Variants in ZZEF1 observed in about 807,000 individuals in gnomAD.
ZZEF1 encodes zinc finger ZZ-type and EF-hand domain containing 1.
A neutral mutation model predicts 342.8 loss-of-function variants in ZZEF1; 157 were observed. The ratio of observed to expected loss-of-function variants is 0.46; its 90% confidence interval spans 0.40 to 0.52. ZZEF1 has a LOEUF of 0.52. Ranked by LOEUF, ZZEF1 falls within the 20% of genes least tolerant of loss-of-function variation. ZZEF1 has a pLI of 0.00. For missense variants in ZZEF1, 3,480 were observed against 3,725.6 expected, an observed-to-expected ratio of 0.93 and a Z score of 1.72; for synonymous variants, 1,505 against 1,429.1, an observed-to-expected ratio of 1.05 and a Z score of -1.20.
Position 4,008,662 on chromosome 17 carries a change from T to C in ZZEF1, c.8805+221A>G. 8.0e-7 allele frequency: 1 copy of C among 1,245,654 alleles called. No homozygotes were observed. Among genetic ancestry groups the C allele is most frequent in the East Asian group, 3.2e-5 (1 of 31,024 alleles). The allele number at this position is 1,245,654 out of a possible 1,614,324, so 77.2% of individuals were successfully genotyped here. A position where few individuals can be genotyped will look rare whatever the true frequency, so the allele number is the denominator to read the frequency against. ...TTGTTTTGGTTTTAAAGACACAAATTCTTCTGACCCCACAGTTTAGAGTGA... is the reference window on the plus strand; with the variant it reads ...TTGTTTTGGTTTTAAAGACACAAATCCTTCTGACCCCACAGTTTAGAGTGA... On this transcript the variant is annotated intron_variant, in intron 54 of 54. Coordinates refer to ENST00000381638, the MANE Select transcript of ZZEF1 (RefSeq NM_015113.4). The surrounding 1 kb of genome is among the most constrained non-coding windows in gnomAD (Gnocchi z 4.2).
intron 45 of ZZEF1, among the ~76,000 whole-genome samples, chr17:4,020,843 T>C (rs1341983330): frequency 6.6e-6 from 1 of 152,234 alleles, no homozygotes; most frequent in Non-Finnish European, 1.5e-5. Context: ...TAGTAAGCCC[T>C]TGAAATTCGT....
At chr17:4,125,688 A>C (rs891614227) in intron 1 of ZZEF1, among the ~76,000 whole-genome samples, 3 of 152,188 alleles carry the variant, frequency 2.0e-5, no homozygotes, top group Non-Finnish European at 2.9e-5. Flanking sequence ...TTGGTTTTGA[A>C]GCTACACACC....
At position 4,034,312 on chromosome 17, in the gene ZZEF1, A is replaced by C. The variant is rs2056614710; in HGVS notation, c.6307-20T>G. The C allele has an allele frequency of 6.2e-7, 1 of 1,612,936 alleles. No homozygotes were observed. The highest frequency in any genetic ancestry group is 1.1e-5 in the South Asian group (1 of 91,046). ...GGGGCCCTGCCAAGAGAGGGAGAGA[A>C]ATCTGTTCAGTACAAAATCCACATA... On this transcript the variant is annotated intron_variant, in intron 39 of 54. Transcript: ENST00000381638.
Position 4,022,727 on chromosome 17 carries a change from C to G in ZZEF1, c.7194G>C (p.Trp2398Cys), listed in dbSNP as rs1304344576. 1 of 1,613,740 alleles carries G rather than the reference C, an allele frequency of 6.2e-7. No homozygotes were observed. The highest frequency in any genetic ancestry group is 8.5e-7 in the Non-Finnish European group (1 of 1,179,966). The change falls in exon 44 of 55, where the codon TGG (tryptophan) becomes TGC (cysteine). Residue 2398 changes from tryptophan (W) to cysteine (C), a missense_variant. Physicochemically the swap from Trp to Cys is radical, Grantham distance 215. Transcript: ENST00000381638. ...CTCTTACTTCCAGGTCCCGGAGGAG[C>G]CACGTTTTACTAAAGCCAGTCCCTT... is the stretch of plus-strand genomic sequence containing the variant. ...CSKGTGFSKT[W>C]LLRDLEILSI...
chr17:4,043,830 C>T (rs753058772), intron 38 of ZZEF1, among the ~76,000 whole-genome samples: 20 of 152,202 alleles, frequency 1.3e-4, no homozygotes, highest in Non-Finnish European at 2.2e-4. Flanking sequence ...CAGAGAGACA[C>T]CAATCACTGT....
chr17:4,079,522 A>AC (rs2057683974), intron 18 of ZZEF1, among the ~76,000 whole-genome samples: 3 of 152,242 alleles, frequency 2.0e-5, no homozygotes, highest in African/African-American at 7.2e-5. Flanking sequence ...AGATGGGCAG[A>AC]AGAGTCTGGA....
chr17:4,034,227 T>G lies in ZZEF1; in HGVS notation c.6372A>C (p.Ser2124=). The part of the protein sequence containing the change: ...VLPLMFQVVI[S]NAGHLNETYH... Reference sequence around the variant, plus strand: ...AGGTTTCATTCAGGTGGCCTGCGTTTGAGATGACAACCTGAAACATGAGTG... The same window carrying G: ...AGGTTTCATTCAGGTGGCCTGCGTTGGAGATGACAACCTGAAACATGAGTG... Residue 2124 remains serine (S), a synonymous_variant, in exon 40 of 55, where the codon TCA becomes TCC. Transcript: ENST00000381638. 1.2e-6 allele frequency: 2 copies of G among 1,614,122 alleles called. No individual in the cohort carries two copies. The highest frequency in any genetic ancestry group is 1.7e-6 in the Non-Finnish European group (2 of 1,179,968).
intron 16 of ZZEF1, 33 bp from the exon 17 acceptor site, chr17:4,082,537 AAT>A (rs2057744206): frequency 6.2e-7 from 1 of 1,605,560 alleles, no homozygotes; most frequent in Non-Finnish European, 8.5e-7. Context: ...ATATTCAGAA[AAT>A]CTAGTCCATG....
In ZZEF1 at chr17:4,041,359, A is replaced by G. The variant is rs143532664; in HGVS notation, c.6306+1070T>C. 1.7e-4 allele frequency among the ~76,000 whole-genome samples: 25 copies of G among 151,474 alleles called. No individual in the cohort carries two copies. In the East Asian group the frequency reaches 3.3e-3, roughly 20 times the overall value. On this transcript the variant is annotated intron_variant, in intron 39 of 54. Coordinates refer to ENST00000381638, the MANE Select transcript of ZZEF1 (RefSeq NM_015113.4). The stretch of plus-strand genomic sequence containing the variant: ...GTGACTGATTTATAAATCAGCCTCA[A>G]CTCCCACGTAGAAGTTCACGTAAAA...
chr17:4,034,400 G>A, intron 39 of ZZEF1, 108 bp from the exon 40 acceptor site: 2 of 1,153,306 alleles, frequency 1.7e-6, no homozygotes, highest in Non-Finnish European at 2.5e-6. Flanking sequence ...AGTGCTAACG[G>A]AATCATGCTT....
chr17:4,088,995 G>T, intron 12 of ZZEF1, 102 bp from the exon 13 acceptor site: 1 of 1,074,106 alleles, frequency 9.3e-7, no homozygotes, highest in South Asian at 1.5e-5. Context: ...TATGATTTTC[G>T]TAATTTATTA....
chr17:4,108,611 C>T (rs2058249198), intron 6 of ZZEF1, among the ~76,000 whole-genome samples: 1 of 152,144 alleles, frequency 6.6e-6, no homozygotes, highest in Non-Finnish European at 1.5e-5. Context: ...TGTGGATTTC[C>T]TGATTTCAAT....
intron 13 of ZZEF1, 51 bp from the exon 14 acceptor site, chr17:4,087,585 G>A: frequency 6.8e-7 from 1 of 1,479,712 alleles, no homozygotes; most frequent in Non-Finnish European, 9.3e-7. Context: ...TGCATTTAGA[G>A]AAATACTGTA....
Position 4,142,929 on chromosome 17 carries a change from C to A in ZZEF1, c.-34G>T. ...CGTCTTGGGCGCCTGGCTCTGCAGC[C>A]GCCGCCGCCGCCTCCCCGCCTCGAC... On this transcript the variant is annotated 5_prime_UTR_variant, in exon 1 of 55. Coordinates refer to ENST00000381638, the MANE Select transcript of ZZEF1 (RefSeq NM_015113.4). 7.8e-7 allele frequency: 1 copy of A among 1,288,120 alleles called. No individual in the cohort carries two copies. Among genetic ancestry groups the A allele is most frequent in the South Asian group, 2.5e-5 (1 of 40,038 alleles). The allele number at this position is 1,288,120 out of a possible 1,614,324, so 79.8% of individuals were successfully genotyped here. A position where few individuals can be genotyped will look rare whatever the true frequency, so the allele number is the denominator to read the frequency against.
intron 39 of ZZEF1, among the ~76,000 whole-genome samples, chr17:4,040,931 C>T (rs1415489883): frequency 6.6e-6 from 1 of 152,182 alleles, no homozygotes; most frequent in Non-Finnish European, 1.5e-5. Context: ...AACGTGCTAC[C>T]CAGTGAGCTA....
At chr17:4,095,727 G>A (rs928547664) in intron 11 of ZZEF1, 104 bp downstream of exon 11, 26 of 1,278,940 alleles carry the variant, frequency 2.0e-5, no homozygotes, top group Admixed American at 1.6e-4. Flanking sequence ...TTTCTATAAA[G>A]ACAAGCAAGC....
chr17:4,070,147 G>C (rs887191977), intron 26 of ZZEF1, among the ~76,000 whole-genome samples: 34 of 152,218 alleles, frequency 2.2e-4, no homozygotes, highest in African/African-American at 7.7e-4. Context: ...AGGAAGCCTA[G>C]TGGGGTGATG....
intron 16 of ZZEF1, among the ~76,000 whole-genome samples, chr17:4,083,993 CAAAT>C (rs1346469178): frequency 6.6e-6 from 1 of 152,118 alleles, no homozygotes; most frequent in Non-Finnish European, 1.5e-5. Flanking sequence ...CATATCAAAA[CAAAT>C]AAATATTTGT....
chr17:4,027,918 C>A (rs1220508328), intron 42 of ZZEF1, among the ~76,000 whole-genome samples: 1 of 152,122 alleles, frequency 6.6e-6, no homozygotes, highest in Non-Finnish European at 1.5e-5. Flanking sequence ...ATCCTCCAGT[C>A]ATCTTCCCAC....
Sources: allele counts gnomAD v4.1 joint callset (sites outside exome capture counted in the v4.1 genomes callset), GRCh38; gene constraint gnomAD v4.1.1; non-coding constraint Gnocchi (gnomAD v3.1); transcripts MANE v1.5; gene names NCBI Gene and HGNC (gene_info 2026-07-23, HGNC 2026-07-21).